The following PRR16 variants were observed in gnomAD, a reference collection of about 807,000 sequenced individuals.
PRR16 encodes protein Largen.
PRR16 carries 6 observed loss-of-function variants against 18.2 expected under a neutral mutation model. That is an observed-to-expected ratio of 0.33 (90% CI 0.18 to 0.65). The LOEUF is 0.65. Among genes scored for constraint, PRR16 ranks in the 30% least tolerant of loss-of-function variants. PRR16 has a pLI of 0.74. For missense variants in PRR16, 412 were observed against 376.6 expected (o/e 1.09, Z -0.78); for synonymous variants, 151 against 147.8 (o/e 1.02, Z -0.16).
intron 1 of PRR16, among the ~76,000 whole-genome samples, chr5:120,597,389 A>AT (rs1303255412): frequency 6.6e-6 from 1 of 151,686 alleles, no homozygotes; most frequent in Non-Finnish European, 1.5e-5. Flanking sequence ...TTTTTCTAAA[A>AT]TTTTATGTAT....
In PRR16 at chr5:120,673,627, A is replaced by T. The variant is rs543056130; in HGVS notation, c.160-12327A>T. ...TATACTATCTATGCTATGGCTATAA[A>T]ATAATTAGACTTAAAACATGAACGT... is the stretch of plus-strand genomic sequence containing the variant. On this transcript the variant is annotated intron_variant, in intron 1 of 1. Coordinates refer to ENST00000407149, the MANE Select transcript of PRR16 (RefSeq NM_001300783.2). Among the ~76,000 whole-genome samples the T allele has an allele frequency of 1.7e-3, 258 of 152,220 alleles. 2 individuals are homozygous for T. The highest frequency in any genetic ancestry group is 2.0e-3 in the Non-Finnish European group (136 of 68,008).
intron 1 of PRR16, chr5:120,531,592 T>G (rs143150312): frequency 6.6e-6 from 1 of 152,266 alleles, no homozygotes; most frequent in African/African-American, 2.4e-5. Context: ...TTTTCCTGTA[T>G]GAAGTTAGTT....
chr5:120,779,647 G>A, the PRR16 span, among the ~76,000 whole-genome samples: 1 of 152,054 alleles, frequency 6.6e-6, no homozygotes, highest in Non-Finnish European at 1.5e-5. Context: ...TACTTTTTAT[G>A]CTCTGTATTG....
chr5:120,674,633 G>T (rs569431750), intron 1 of PRR16, among the ~76,000 whole-genome samples: 4 of 151,934 alleles, frequency 2.6e-5, no homozygotes, highest in Non-Finnish European at 5.9e-5. Flanking sequence ...TCAGCACTCA[G>T]TTGGCCCTTT....
intron 1 of PRR16, among the ~76,000 whole-genome samples, chr5:120,562,635 GTGTATCCAT>G (rs1752612430): frequency 6.6e-6 from 1 of 151,932 alleles, no homozygotes; most frequent in Non-Finnish European, 1.5e-5. Context: ...TTGTGTGTGT[GTGTATCCAT>G]TGCATGTTTT....
chr5:120,748,917 T>A, the PRR16 span, among the ~76,000 whole-genome samples: 1 of 152,150 alleles, frequency 6.6e-6, no homozygotes, highest in African/African-American at 2.4e-5. Context: ...ATCAGAGTGA[T>A]ATTTTGTTGT....
intron 1 of PRR16, among the ~76,000 whole-genome samples, chr5:120,647,609 A>G (rs765698775): frequency 1.3e-5 from 2 of 152,038 alleles, no homozygotes; most frequent in Non-Finnish European, 2.9e-5. Context: ...TATTCAAATT[A>G]TTTCTTTACT....
the PRR16 span, among the ~76,000 whole-genome samples, chr5:120,707,930 C>T: frequency 8.0e-3 from 1,212 of 152,202 alleles, 12 homozygotes; most frequent in African/African-American, 0.026. Context: ...GGGCTATAAA[C>T]CAATGGCCTG....
rs925858898 is a variant in PRR16, at chr5:120,530,128, A to T, written c.159+65483A>T. 5.4e-5 allele frequency among the ~76,000 whole-genome samples: 8 copies of T among 149,150 alleles called. No homozygotes were observed. The Admixed American group carries it at 5.4e-4, about 10-fold the overall frequency. On this transcript the variant is annotated intron_variant, in intron 1 of 1. Coordinates refer to ENST00000407149, the MANE Select transcript of PRR16 (RefSeq NM_001300783.2). The stretch of plus-strand genomic sequence containing the variant: ...CATATTTCTCATGTAAAAAATGTTG[A>T]CCTTGTAAATATGCTACAGACATAT...
chr5:120,696,132 C>T, the PRR16 span, among the ~76,000 whole-genome samples: 1 of 151,994 alleles, frequency 6.6e-6, no homozygotes, highest in Admixed American at 6.5e-5. Context: ...GTCCCAACTA[C>T]TCAGGAGGCT....
At chr5:120,676,542 G>GTGTA (rs796362784) in intron 1 of PRR16, among the ~76,000 whole-genome samples, 1 of 151,156 alleles carries the variant, frequency 6.6e-6, no homozygotes, top group African/African-American at 2.4e-5. Flanking sequence ...GTGTGTGTGT[G>GTGTA]TGTGTGCGTG....
At chr5:120,736,253 G>GA in the PRR16 span, among the ~76,000 whole-genome samples, 4 of 152,222 alleles carry the variant, frequency 2.6e-5, no homozygotes, top group East Asian at 7.7e-4. Flanking sequence ...GGAAGCGTGA[G>GA]ACCTCTAACT....
chr5:120,785,483 T>C, the PRR16 span, among the ~76,000 whole-genome samples: 1 of 151,854 alleles, frequency 6.6e-6, no homozygotes, highest in African/African-American at 2.4e-5. Flanking sequence ...AAGGCAAAGT[T>C]AGTAATTTAT....
In PRR16 at chr5:120,647,554, G is replaced by A. The variant is rs913405245; in HGVS notation, c.160-38400G>A. On this transcript the variant is annotated intron_variant, in intron 1 of 1. Coordinates refer to ENST00000407149, the MANE Select transcript of PRR16 (RefSeq NM_001300783.2). ...TCTGTATAGACTGTATTTGACCGAC[G>A]CCTTTGGTAATACTTGACTTATTTC... Among the ~76,000 whole-genome samples the A allele has an allele frequency of 9.9e-5, 15 of 152,022 alleles. No homozygotes were observed. In the South Asian group the frequency reaches 2.3e-3, roughly 23 times the overall value.
chr5:120,656,360 A>G (rs1349356071), intron 1 of PRR16, among the ~76,000 whole-genome samples: 4 of 151,702 alleles, frequency 2.6e-5, no homozygotes, highest in African/African-American at 7.2e-5. Context: ...CGGATGTAAG[A>G]TAAGTGGTAG....
chr5:120,785,581 T>TTTTTTTTTTTTTTTTTTTTTTC, the PRR16 span, among the ~76,000 whole-genome samples: 1 of 137,158 alleles, frequency 7.3e-6, no homozygotes, highest in African/African-American at 2.7e-5. Context: ...TGTTGTTTTT[T>TTTTTTTTTTTTTTTTTTTTTTC]TTTTTTTTTG....
chr5:120,594,539 A>T (rs558480418), intron 1 of PRR16, among the ~76,000 whole-genome samples: 1 of 152,150 alleles, frequency 6.6e-6, no homozygotes, highest in African/African-American at 2.4e-5. Context: ...GCCCAAAGCA[A>T]TTTACAGATT....
intron 1 of PRR16, among the ~76,000 whole-genome samples, chr5:120,535,274 C>G (rs1018654557): frequency 6.6e-6 from 1 of 152,234 alleles, no homozygotes; most frequent in East Asian, 1.9e-4. Context: ...GGTTTTTAGT[C>G]ACAAAGAATT....
intron 1 of PRR16, among the ~76,000 whole-genome samples, chr5:120,593,067 G>T (rs1023257626): frequency 6.6e-6 from 1 of 151,952 alleles, no homozygotes; most frequent in Admixed American, 6.6e-5. Context: ...AAGTTAGAAA[G>T]ATCTCAAGGT....
Sources: allele counts gnomAD v4.1 joint callset (sites outside exome capture counted in the v4.1 genomes callset), GRCh38; gene constraint gnomAD v4.1.1; transcripts MANE v1.5; gene names NCBI Gene and HGNC (gene_info 2026-07-23, HGNC 2026-07-21).